Variants in HEPH observed in about 807,000 individuals in gnomAD.
HEPH encodes hephaestin.
Under a neutral mutation model 80.8 loss-of-function variants are expected in HEPH, and 69 were observed. That is an observed-to-expected ratio of 0.85 (90% confidence interval 0.70 to 1.04). The LOEUF (loss-of-function observed/expected upper bound fraction) is 1.04. Ranked by LOEUF, HEPH falls within the 50% of genes least tolerant of loss-of-function variation. The pLI is 0.00. For missense variants in HEPH, 1,115 were observed against 891.3 expected (o/e 1.25, Z -3.20); for synonymous variants, 431 against 322.8 (o/e 1.34, Z -3.60).
chrX:66,255,302 G>A (rs780641050), intron 16 of HEPH, among the ~76,000 whole-genome samples, 161 bp downstream of exon 16: 1 of 111,494 alleles, frequency 9.0e-6, no homozygotes, highest in Admixed American at 9.5e-5. Flanking sequence ...GAGGAGGGAC[G>A]AAGGGAATGG....
chrX:66,170,595 G>A lies in HEPH; in HGVS notation c.25G>A (p.Ala9Thr). Reference protein sequence around the residue: MESGHLLWALLFMQSLWPQ... With the variant: MESGHLLWTLLFMQSLWPQ... ...CATGGAGTCAGGCCACCTCCTCTGG[G>A]CTCTGCTGTTCATGCAGTCCTTGTG... Residue 9 changes from alanine to threonine, a missense_variant, in exon 2 of 21, where the codon GCT becomes ACT. Around this residue, in one of 3 missense-constraint regions of HEPH, gnomAD observed 391 missense variants for 343.6 expected, o/e 1.14. Coordinates refer to ENST00000343002, the MANE Select transcript of HEPH (RefSeq NM_001367233.3). 1 of 1,210,649 alleles carries A rather than the reference G, an allele frequency of 8.3e-7. No individual in the cohort carries two copies.
chrX:66,193,107 A>C (rs1425958600), intron 7 of HEPH, among the ~76,000 whole-genome samples: 2 of 110,910 alleles, frequency 1.8e-5, no homozygotes, highest in African/African-American at 6.6e-5. Context: ...TTCATTTTGG[A>C]GTGAAAGGAT....
Position 66,189,876 on chromosome X carries a change from A to G in HEPH, c.1001A>G (p.Glu334Gly). ...NIFPATFVTA[E>G]MVPWEPGTWL... is the part of the protein sequence containing the mutation. ...TTTCCAGCCACCTTTGTGACTGCTG[A>G]GATGGTGCCCTGGGAACCTGGTACC... The change falls in exon 6 of 21, where the codon GAG becomes GGG. Residue 334 changes from glutamate to glycine, a missense_variant. By Grantham distance (98) the Glu-to-Gly change is moderately conservative (BLOSUM62 -2). Coordinates refer to ENST00000343002, the MANE Select transcript of HEPH (RefSeq NM_001367233.3). 8.3e-7 allele frequency: 1 copy of G among 1,202,138 alleles called. No homozygotes were observed. Among genetic ancestry groups the G allele is most frequent in the Non-Finnish European group, 1.1e-6 (1 of 890,283 alleles).
At chrX:66,189,552 A>G (rs769527943) in intron 5 of HEPH, 132 bp from the exon 6 acceptor site, 2 of 655,803 alleles carry the variant, frequency 3.0e-6, no homozygotes, top group Admixed American at 3.3e-5. Flanking sequence ...TAAAGAAGAT[A>G]ATACATAGGT....
chrX:66,257,644 AC>A (rs1467987730), intron 17 of HEPH, among the ~76,000 whole-genome samples: 1 of 112,117 alleles, frequency 8.9e-6, no homozygotes, highest in Non-Finnish European at 1.9e-5. Flanking sequence ...GGAGAATCAT[AC>A]CCCACAGTGA....
At chrX:66,215,280 C>T (rs1043338943) in intron 15 of HEPH, among the ~76,000 whole-genome samples, 4 of 110,527 alleles carry the variant, frequency 3.6e-5, no homozygotes, top group Non-Finnish European at 7.6e-5. Context: ...TAAGTTGAAC[C>T]TGTATCTAGT....
intron 15 of HEPH, among the ~76,000 whole-genome samples, chrX:66,213,390 G>T (rs958347746): frequency 9.0e-6 from 1 of 111,596 alleles, no homozygotes. Flanking sequence ...CAATAGCAAA[G>T]ACTTGGAACC....
At position 66,242,506 on chromosome X, in the gene HEPH, A is replaced by G. The variant is rs998123878; in HGVS notation, c.2564-12529A>G. On this transcript the variant is annotated intron_variant, in intron 15 of 20. Coordinates refer to ENST00000343002, the MANE Select transcript of HEPH (RefSeq NM_001367233.3). ...AAAATCAATTGTAGCAAAAACAAAC[A>G]TTGTCAAGTAGAATCTAATTAAACT... is the stretch of plus-strand genomic sequence containing the variant. Among the ~76,000 whole-genome samples, 3 of 112,161 alleles carry G rather than the reference A, an allele frequency of 2.7e-5. No individual in the cohort carries two copies. The East Asian group carries it at 8.3e-4, about 31-fold the overall frequency.
intron 15 of HEPH, among the ~76,000 whole-genome samples, chrX:66,211,856 G>T (rs1002684669): frequency 1.8e-5 from 2 of 111,582 alleles, no homozygotes; most frequent in African/African-American, 6.5e-5. Context: ...TAAATACCTA[G>T]TAGTGACATT....
chrX:66,257,455 C>T (rs753060463), intron 17 of HEPH, among the ~76,000 whole-genome samples: 3 of 111,737 alleles, frequency 2.7e-5, no homozygotes, highest in Admixed American at 1.9e-4. Flanking sequence ...GTTCCTGAAC[C>T]AACTGAGAAA....
At chrX:66,174,766 A>G (rs947248631) in intron 4 of HEPH, among the ~76,000 whole-genome samples, 70 of 111,818 alleles carry the variant, frequency 6.3e-4, no homozygotes, top group African/African-American at 2.2e-3. Context: ...CCTAATCATT[A>G]GTGATGTTGA....
At chrX:66,216,550 G>A (rs1182896278) in intron 15 of HEPH, among the ~76,000 whole-genome samples, 1 of 111,853 alleles carries the variant, frequency 8.9e-6, no homozygotes, top group Admixed American at 9.5e-5. Context: ...GCACCCTGTG[G>A]GACAAAATAA....
chrX:66,177,611 C>A (rs1159589876), intron 4 of HEPH, among the ~76,000 whole-genome samples: 1 of 111,371 alleles, frequency 9.0e-6, no homozygotes, highest in African/African-American at 3.3e-5. Context: ...TTTCCCTCTT[C>A]TTTTCTTGGT....
chrX:66,178,874 A>AT (rs1401713955), intron 4 of HEPH, among the ~76,000 whole-genome samples: 1 of 111,161 alleles, frequency 9.0e-6, no homozygotes, highest in Non-Finnish European at 1.9e-5. Flanking sequence ...GATTGCAAAA[A>AT]TTTTTTCCCA....
chrX:66,224,978 G>A (rs1292514468), intron 15 of HEPH, among the ~76,000 whole-genome samples: 1 of 108,732 alleles, frequency 9.2e-6, no homozygotes, highest in African/African-American at 3.4e-5. Flanking sequence ...AGCTGCTTAT[G>A]CTGCTGCTCT....
downstream of HEPH, chrX:66,268,699 C>T (rs1223577219): frequency 9.0e-6 from 1 of 111,509 alleles, no homozygotes; most frequent in African/African-American, 3.3e-5. Flanking sequence ...ATTTTGTAAT[C>T]CTGCTCCAGG....
Position 66,241,132 on chromosome X carries a change from C to T in HEPH, c.2564-13903C>T, listed in dbSNP as rs765051111. On this transcript the variant is annotated intron_variant, in intron 15 of 20. Transcript: ENST00000343002. ...AAGTGCTAAACATGGAAATAAAAAA[C>T]CACTACCATCCACGACAAACACCAA... Among the ~76,000 whole-genome samples the T allele has an allele frequency of 3.0e-4, 34 of 112,220 alleles. No individual in the cohort carries two copies. The East Asian group carries it at 8.4e-3, about 28-fold the overall frequency.
At chrX:66,260,063 T>C in intron 18 of HEPH, 37 bp from the exon 19 acceptor site, 1 of 1,179,483 alleles carries the variant, frequency 8.5e-7, no homozygotes, top group Non-Finnish European at 1.2e-6. Context: ...TTTTATACCC[T>C]TCACTTCCTC....
intron 19 of HEPH, among the ~76,000 whole-genome samples, chrX:66,262,203 A>T (rs1211105886): frequency 8.9e-6 from 1 of 112,377 alleles, no homozygotes; most frequent in African/African-American, 3.2e-5. Flanking sequence ...GAGGGAAAAG[A>T]CTAATTTTTG....
Sources: gnomAD v4.1 joint callset for allele counts (sites outside exome capture counted in the v4.1 genomes callset) on GRCh38, gnomAD v4.1.1 for gene constraint, gnomAD v4.1.1 regional missense constraint, MANE v1.5 for transcripts, NCBI Gene and HGNC (gene_info 2026-07-23, HGNC 2026-07-21) for gene names.